The following VTCN1 variants were observed in gnomAD, a reference collection of about 807,000 sequenced individuals.
The protein encoded by VTCN1 is V-set domain-containing T-cell activation inhibitor 1.
VTCN1 carries 26 observed loss-of-function variants against 26.5 expected under a neutral mutation model. The ratio of observed to expected loss-of-function variants is 0.98; its 90% CI spans 0.72 to 1.36. The LOEUF (loss-of-function observed/expected upper bound fraction) is 1.36, where lower values mean the gene tolerates loss of function less well. Among genes scored for constraint, VTCN1 ranks in the 40% most tolerant of loss-of-function variants. The pLI is 0.00. For missense variants in VTCN1, 298 were observed against 337.7 expected, an observed-to-expected ratio of 0.88 and a Z score of 0.92; for synonymous variants, 116 against 130.7, an observed-to-expected ratio of 0.89 and a Z score of 0.77.
chr1:117,153,678 T>A (rs977355923), intron 3 of VTCN1, among the ~76,000 whole-genome samples: 12 of 152,142 alleles, frequency 7.9e-5, no homozygotes, highest in Admixed American at 6.5e-5. Flanking sequence ...ACTTCAGTGG[T>A]CATAAAAAAG....
chr1:117,192,861 A>G (rs1166635732), intron 1 of VTCN1, among the ~76,000 whole-genome samples: 3 of 152,224 alleles, frequency 2.0e-5, no homozygotes, highest in Non-Finnish European at 4.4e-5. Flanking sequence ...AAGAAACTTC[A>G]GACCACTTAG....
At chr1:117,196,219 A>G (rs558634093) in intron 1 of VTCN1, among the ~76,000 whole-genome samples, 81 of 152,324 alleles carry the variant, frequency 5.3e-4, no homozygotes, top group Admixed American at 1.4e-3. Context: ...TAAATGTCCA[A>G]CAATAGGGAA....
chr1:117,170,181 G>A lies in VTCN1; in HGVS notation c.33-10C>T, dbSNP rs754979144. ...GATGATGCTAATTATGCTACGGGAA[G>A]AGAGAGAGAAACAGAAAATTAGTTC... On this transcript the variant is annotated splice_polypyrimidine_tract_variant and intron_variant, in intron 1 of 5. Transcript: ENST00000369458. 2.5e-6 allele frequency: 4 copies of A among 1,608,402 alleles called. No individual in the cohort carries two copies. In the African/African-American group the frequency reaches 4.0e-5, roughly 16 times the overall value.
chr1:117,189,802 A>G (rs1466816403), intron 1 of VTCN1, among the ~76,000 whole-genome samples: 1 of 152,144 alleles, frequency 6.6e-6, no homozygotes, highest in African/African-American at 2.4e-5. Flanking sequence ...CCCCACTCCT[A>G]TTCCCCCACA....
At chr1:117,178,207 G>GGA (rs1647468739) in intron 1 of VTCN1, among the ~76,000 whole-genome samples, 1 of 151,648 alleles carries the variant, frequency 6.6e-6, no homozygotes, top group South Asian at 2.1e-4. Flanking sequence ...CAAAAGTGTG[G>GGA]GGATTACAGG....
chr1:117,184,811 G>A (rs967068201), intron 1 of VTCN1, among the ~76,000 whole-genome samples: 4 of 152,180 alleles, frequency 2.6e-5, no homozygotes, highest in Non-Finnish European at 4.4e-5. Context: ...GATACCAAGC[G>A]TGTTGTGTTT....
rs1396076136 is a variant in VTCN1 at position 117,155,453 on chromosome 1, T to G, written c.445+1121A>C. On this transcript the variant is annotated intron_variant, in intron 3 of 5. Transcript: ENST00000369458. This position sits in a 1 kb window ranked among gnomAD's most constrained non-coding sequence, Gnocchi z 4.8. ...GGGGAATTTGTTTCATATCCCTCAT[T>G]TATTTAAATAAGTATGAAGTCATAT... Among the ~76,000 whole-genome samples, 3 of 152,220 alleles carry G rather than the reference T, an allele frequency of 2.0e-5. No homozygotes were observed. Among genetic ancestry groups the G allele is most frequent in the Non-Finnish European group, 4.4e-5 (3 of 68,040 alleles).
At chr1:117,184,611 C>A (rs893263921) in intron 1 of VTCN1, among the ~76,000 whole-genome samples, 2 of 152,090 alleles carry the variant, frequency 1.3e-5, no homozygotes, top group African/African-American at 4.8e-5. Flanking sequence ...CAGCATATTT[C>A]TGAGCTTCAG....
rs373536628 is a variant in VTCN1, at chr1:117,147,812, A to C, written c.725-30T>G. ...GAAGTGAGAGAAAAAGTTTAGGGTC[A>C]TACAGGAGAAGCTGGATGTCTTCTT... On this transcript the variant is annotated intron_variant, in intron 4 of 5. Transcript: ENST00000369458. The surrounding 1 kb of genome is among the most constrained non-coding windows in gnomAD (Gnocchi z 4.6). 9.3e-6 allele frequency: 15 copies of C among 1,606,576 alleles called. No individual in the cohort carries two copies. In the African/African-American group the frequency reaches 1.7e-4, roughly 19 times the overall value.
Position 117,175,655 on chromosome 1 carries a change from A to T in VTCN1, c.33-5484T>A, listed in dbSNP as rs1308994209. On this transcript the variant is annotated intron_variant, in intron 1 of 5. Coordinates refer to ENST00000369458, the MANE Select transcript of VTCN1 (RefSeq NM_024626.4). This position sits in a 1 kb window ranked among gnomAD's most constrained non-coding sequence, Gnocchi z 4.2. ...GTCCTGCCATCATTCCCGTTTTGCA[A>T]CCACACATGAGCTCATTGATGCTAT... Among the ~76,000 whole-genome samples the T allele has an allele frequency of 1.3e-5, 2 of 152,184 alleles. No individual in the cohort carries two copies. The highest frequency in any genetic ancestry group is 2.9e-5 in the Non-Finnish European group (2 of 68,032).
chr1:117,156,685 T>C lies in VTCN1; in HGVS notation c.334A>G (p.Asn112Asp). The C allele has an allele frequency of 6.2e-7, 1 of 1,614,202 alleles. No individual in the cohort carries two copies. Among genetic ancestry groups the C allele is most frequent in the Non-Finnish European group, 8.5e-7 (1 of 1,180,022 alleles). Residue 112 changes from asparagine to aspartate, a missense_variant, in exon 3 of 6, where the codon AAT (asparagine) becomes GAT (aspartate). Physicochemically the swap from Asn to Asp is conservative, Grantham distance 23. Coordinates refer to ENST00000369458, the MANE Select transcript of VTCN1 (RefSeq NM_024626.4). ...AVFADQVIVG[N>D]ASLRLKNVQL... is the part of the protein sequence containing the mutation. ...ACGTTTTTCAGCCGCAAAGAGGCAT[T>C]GCCAACTATCACTTGATCAGCAAAC...
At chr1:117,196,217 C>T (rs1040058136) in intron 1 of VTCN1, among the ~76,000 whole-genome samples, 1 of 151,602 alleles carries the variant, frequency 6.6e-6, no homozygotes, top group Non-Finnish European at 1.5e-5. Flanking sequence ...ATTAAATGTC[C>T]AACAATAGGG....
Position 117,183,748 on chromosome 1 carries a change from A to T in VTCN1, c.33-13577T>A, listed in dbSNP as rs1290912594. ...GAATAGTGCATACTAAATAGCCTTTAAAAAAATCCTTGATAAAAATACTTG... is the reference window on the plus strand; with the variant it reads ...GAATAGTGCATACTAAATAGCCTTTTAAAAAATCCTTGATAAAAATACTTG... On this transcript the variant is annotated intron_variant, in intron 1 of 5. Coordinates refer to ENST00000369458, the MANE Select transcript of VTCN1 (RefSeq NM_024626.4). This position sits in a 1 kb window ranked among gnomAD's most constrained non-coding sequence, Gnocchi z 4.1. 3.3e-5 allele frequency among the ~76,000 whole-genome samples: 5 copies of T among 152,228 alleles called. No homozygotes were observed. The highest frequency in any genetic ancestry group is 1.9e-4 in the East Asian group (1 of 5,204).
At chr1:117,168,813 C>T (rs923473148) in intron 2 of VTCN1, among the ~76,000 whole-genome samples, 1 of 152,108 alleles carries the variant, frequency 6.6e-6, no homozygotes, top group Admixed American at 6.5e-5. Context: ...CCAGGTTGGT[C>T]TTGAACCCTG....
At chr1:117,187,741 A>C (rs928168741) in intron 1 of VTCN1, among the ~76,000 whole-genome samples, 1 of 152,182 alleles carries the variant, frequency 6.6e-6, no homozygotes, top group Non-Finnish European at 1.5e-5. Flanking sequence ...TAAAGTTTCA[A>C]CTGAGGTTCC....
intron 1 of VTCN1, among the ~76,000 whole-genome samples, chr1:117,174,627 C>T (rs190802214): frequency 1.3e-5 from 2 of 152,162 alleles, no homozygotes; most frequent in East Asian, 3.9e-4. Flanking sequence ...ATTAGCTGGG[C>T]GTGGTGGCAA....
chr1:117,157,047 G>T, intron 2 of VTCN1, 126 bp from the exon 3 acceptor site: 1 of 1,537,154 alleles, frequency 6.5e-7, no homozygotes, highest in Non-Finnish European at 8.8e-7. Flanking sequence ...AACATGAGAG[G>T]CAATAAGAAG....
chr1:117,186,822 G>A (rs961518858), intron 1 of VTCN1, among the ~76,000 whole-genome samples: 9 of 152,174 alleles, frequency 5.9e-5, no homozygotes, highest in African/African-American at 2.2e-4. Flanking sequence ...GAGGCCAGGA[G>A]TTCGAGACCA....
intron 1 of VTCN1, among the ~76,000 whole-genome samples, chr1:117,207,917 C>A (rs1649143162): frequency 6.6e-6 from 1 of 152,236 alleles, no homozygotes; most frequent in Admixed American, 6.5e-5. Flanking sequence ...AGGTCCCTGT[C>A]ATCCTGTATA....
Sources: gnomAD v4.1 joint callset for allele counts (sites outside exome capture counted in the v4.1 genomes callset) on GRCh38, gnomAD v4.1.1 for gene constraint, Gnocchi (gnomAD v3.1) non-coding constraint, MANE v1.5 for transcripts, NCBI Gene and HGNC (gene_info 2026-07-23, HGNC 2026-07-21) for gene names.